SOX6: variants seen among roughly 807,000 people sequenced by gnomAD.
The protein encoded by SOX6 is transcription factor SOX-6.
Under a neutral mutation model 97.8 loss-of-function variants are expected in SOX6, and 11 were observed. That is an observed-to-expected ratio of 0.11 (90% CI 0.07 to 0.19). The LOEUF is 0.19. Ranked by LOEUF, SOX6 falls within the 10% of genes least tolerant of loss-of-function variation. SOX6 has a pLI of 1.00. For synonymous variants in SOX6, 360 were observed against 371.4 expected (o/e 0.97, Z 0.35); for missense variants, 810 against 1,039.5 (o/e 0.78, Z 3.04).
intron 3 of SOX6, among the ~76,000 whole-genome samples, chr11:16,274,755 G>T (rs1854347736): frequency 6.6e-6 from 1 of 152,110 alleles, no homozygotes; most frequent in Non-Finnish European, 1.5e-5. Context: ...AATCAAACTT[G>T]TTCATTCTTA....
intron 4 of SOX6, among the ~76,000 whole-genome samples, chr11:16,232,096 A>T (rs1186173373): frequency 6.6e-6 from 1 of 151,884 alleles, no homozygotes; most frequent in Non-Finnish European, 1.5e-5. Context: ...GAGATATAAT[A>T]TTAAATACTG....
intron 3 of SOX6, among the ~76,000 whole-genome samples, chr11:16,661,205 T>G (rs978129679): frequency 1.3e-5 from 2 of 152,232 alleles, no homozygotes; most frequent in Non-Finnish European, 2.9e-5. Flanking sequence ...ATGTTCTTCT[T>G]TATTCCTGAT....
At chr11:16,335,035 A>G (rs1161056789) in intron 2 of SOX6, among the ~76,000 whole-genome samples, 1 of 152,158 alleles carries the variant, frequency 6.6e-6, no homozygotes, top group African/African-American at 2.4e-5. Context: ...CTATTTCACT[A>G]CCCACAGCAA....
chr11:16,346,625 A>T (rs1856784202), intron 1 of SOX6, among the ~76,000 whole-genome samples: 1 of 152,018 alleles, frequency 6.6e-6, no homozygotes, highest in Non-Finnish European at 1.5e-5. Flanking sequence ...AATTAAGAAA[A>T]TTCAGGTGAA....
At chr11:16,264,174 T>C (rs1853996476) in intron 3 of SOX6, among the ~76,000 whole-genome samples, 1 of 151,860 alleles carries the variant, frequency 6.6e-6, no homozygotes, top group Non-Finnish European at 1.5e-5. Flanking sequence ...CCATCCATTC[T>C]ACCCTACTCA....
intron 9 of SOX6, among the ~76,000 whole-genome samples, chr11:16,065,959 C>A (rs1459229277): frequency 6.6e-6 from 1 of 152,064 alleles, no homozygotes. Flanking sequence ...AGGAAACAAT[C>A]AACAAAGTGA....
intron 1 of SOX6, among the ~76,000 whole-genome samples, chr11:16,443,612 A>G (rs555319550): frequency 6.6e-6 from 1 of 152,252 alleles, no homozygotes; most frequent in Admixed American, 6.5e-5. Context: ...GTACATGTGC[A>G]GGTTTTCCAC....
At chr11:16,014,210 T>C (rs983153170) in intron 13 of SOX6, among the ~76,000 whole-genome samples, 5 of 152,038 alleles carry the variant, frequency 3.3e-5, no homozygotes, top group Non-Finnish European at 5.9e-5. Context: ...TTTCTGCTGA[T>C]GTGCTGCTTG....
At chr11:16,303,172 A>G (rs920827870) in intron 3 of SOX6, among the ~76,000 whole-genome samples, 1 of 152,194 alleles carries the variant, frequency 6.6e-6, no homozygotes, top group African/African-American at 2.4e-5. Context: ...TTAGATGAAG[A>G]GGCATTCTCT....
chr11:16,551,374 T>A (rs1847684321), intron 4 of SOX6, among the ~76,000 whole-genome samples: 1 of 150,624 alleles, frequency 6.6e-6, no homozygotes, highest in Non-Finnish European at 1.5e-5. Flanking sequence ...TAAATAATGT[T>A]TTAAAGACGC....
chr11:16,094,793 T>A (rs1250573712), intron 9 of SOX6, among the ~76,000 whole-genome samples: 1 of 151,854 alleles, frequency 6.6e-6, no homozygotes, highest in Non-Finnish European at 1.5e-5. Flanking sequence ...TGTCTAATCA[T>A]GTCTGAGTGG....
chr11:16,639,552 G>C (rs946661124), intron 3 of SOX6, among the ~76,000 whole-genome samples: 17 of 152,180 alleles, frequency 1.1e-4, no homozygotes, highest in African/African-American at 4.1e-4. Context: ...CATGAGCATG[G>C]AGTGTTCTTC....
Position 15,989,226 on chromosome 11 carries a change from A to G in SOX6, c.1737T>C (p.Ser579=). 6.3e-7 allele frequency: 1 copy of G among 1,598,298 alleles called. No homozygotes were observed. Among genetic ancestry groups the G allele is most frequent in the Non-Finnish European group, 8.6e-7 (1 of 1,168,422 alleles). ...DLTRPEDAEG[S]KAMNGSAAKL... is the part of the protein sequence containing the mutation. The stretch of plus-strand genomic sequence containing the variant: ...TAGCTGCAGAGCCATTCATTGCTTT[A>G]CTTCCTGTAATGTCAGGGCAGGAAG... The change falls in exon 14 of 16, where the codon AGT becomes AGC. Residue 579 remains serine (S), a synonymous_variant. Coordinates refer to ENST00000683767, the MANE Select transcript of SOX6 (RefSeq NM_001367873.1).
chr11:16,379,911 T>C (rs1857759120), intron 1 of SOX6, among the ~76,000 whole-genome samples: 1 of 151,968 alleles, frequency 6.6e-6, no homozygotes, highest in Admixed American at 6.6e-5. Flanking sequence ...AAATTAATAA[T>C]GTAAAACAAC....
At chr11:16,326,019 C>A (rs1447258474) in intron 2 of SOX6, among the ~76,000 whole-genome samples, 1 of 152,108 alleles carries the variant, frequency 6.6e-6, no homozygotes, top group Non-Finnish European at 1.5e-5. Context: ...GACTTCCCAG[C>A]CTCCAGAATT....
At chr11:16,380,693 C>A (rs1433390253) in intron 1 of SOX6, among the ~76,000 whole-genome samples, 1 of 152,010 alleles carries the variant, frequency 6.6e-6, no homozygotes, top group African/African-American at 2.4e-5. Flanking sequence ...ATGATGAAAC[C>A]ACTTACATGT....
intron 1 of SOX6, among the ~76,000 whole-genome samples, chr11:16,352,798 G>C (rs1856983583): frequency 6.6e-6 from 1 of 151,970 alleles, no homozygotes; most frequent in Non-Finnish European, 1.5e-5. Context: ...TCTACAGTTT[G>C]AGATATGTAA....
intron 4 of SOX6, among the ~76,000 whole-genome samples, chr11:16,481,600 T>C (rs549641985): frequency 6.6e-6 from 1 of 152,262 alleles, no homozygotes; most frequent in East Asian, 1.9e-4. Flanking sequence ...AATATTATTT[T>C]GGTATTGAGG....
At chr11:16,660,923 T>TA (rs1261121871) in intron 3 of SOX6, among the ~76,000 whole-genome samples, 1 of 152,212 alleles carries the variant, frequency 6.6e-6, no homozygotes, top group Admixed American at 6.5e-5. Flanking sequence ...GTATTTTTGT[T>TA]ACAGCAGCTC....
Sources: allele counts gnomAD v4.1 joint callset (sites outside exome capture counted in the v4.1 genomes callset), GRCh38; gene constraint gnomAD v4.1.1; transcripts MANE v1.5; gene names NCBI Gene and HGNC (gene_info 2026-07-23, HGNC 2026-07-21).